Variants in TMEM143 observed in about 807,000 individuals in gnomAD.
TMEM143 encodes the protein transmembrane protein 143.
TMEM143 carries 45 observed loss-of-function variants against 40.3 expected under a neutral mutation model. The ratio of observed to expected loss-of-function variants is 1.12; its 90% confidence interval spans 0.88 to 1.43. TMEM143 has a LOEUF of 1.43. TMEM143 is among the 40% of genes most tolerant of loss of function. The pLI is 0.00. For missense variants in TMEM143, 620 were observed against 613.4 expected (o/e 1.01, Z -0.11); for synonymous variants, 299 against 282.7 (o/e 1.06, Z -0.58).
At chr19:48,360,498 A>C in intron 2 of TMEM143, 8 of 288,478 alleles carry the variant, frequency 2.8e-5, no homozygotes, top group Non-Finnish European at 4.6e-5. Flanking sequence ...GAATTGCTTG[A>C]ACCAGGGAGG....
chr19:48,343,397 G>A lies in TMEM143; in HGVS notation c.619C>T (p.Arg207Ter), dbSNP rs148424700. 37 of 1,598,964 alleles carry A rather than the reference G, an allele frequency of 2.3e-5. No homozygotes were observed. The highest frequency in any genetic ancestry group is 4.0e-5 in the African/African-American group (3 of 74,590). ...GACTTCAGGGGCATCTGCCCGACTCGCTGGCCCAGGGCCCAGAAGTGAATG... is the reference window on the plus strand; with the variant it reads ...GACTTCAGGGGCATCTGCCCGACTCACTGGCCCAGGGCCCAGAAGTGAATG... ...VYIHFWALGQ[R>*]VGQMPLKSSV... Residue 207 changes from arginine (R) to a stop codon, truncating the protein, a stop_gained, in exon 5 of 8, where the codon CGA (arginine) becomes TGA (stop). Coordinates refer to ENST00000293261, the MANE Select transcript of TMEM143 (RefSeq NM_018273.4). LOFTEE classifies it high-confidence loss of function.
chr19:48,337,478 C>G (rs1474216268), intron 6 of TMEM143, among the ~76,000 whole-genome samples: 1 of 151,758 alleles, frequency 6.6e-6, no homozygotes. Context: ...ACCCAGGAGG[C>G]AGAGGTTGCA....
intron 3 of TMEM143, 100 bp from the exon 4 acceptor site, chr19:48,345,454 A>AC: frequency 1.5e-6 from 1 of 665,220 alleles, no homozygotes; most frequent in Non-Finnish European, 2.1e-6. Flanking sequence ...TCATTTATTT[A>AC]TTTATTTATT....
In TMEM143 at chr19:48,355,475, G is replaced by A. The variant is rs531173090; in HGVS notation, c.369+4597C>T. On this transcript the variant is annotated intron_variant, in intron 3 of 7. Coordinates refer to ENST00000293261, the MANE Select transcript of TMEM143 (RefSeq NM_018273.4). The stretch of plus-strand genomic sequence containing the variant: ...AACTGTGTGATCCTGGGCACAACCC[G>A]GGCCCTCTGAGACATTCAGTTTCTC... 7.9e-5 allele frequency among the ~76,000 whole-genome samples: 12 copies of A among 152,236 alleles called. No individual in the cohort carries two copies. The South Asian group carries it at 8.3e-4, about 11-fold the overall frequency.
chr19:48,348,132 T>C (rs1414236368), intron 3 of TMEM143, among the ~76,000 whole-genome samples: 1 of 152,096 alleles, frequency 6.6e-6, no homozygotes, highest in Non-Finnish European at 1.5e-5. Flanking sequence ...GGTCGAGCAG[T>C]TCTGGGACTT....
intron 6 of TMEM143, among the ~76,000 whole-genome samples, chr19:48,337,022 CA>C (rs1000750493): frequency 1.6e-3 from 187 of 117,552 alleles, no homozygotes; most frequent in Middle Eastern, 9.0e-3. Context: ...CTCAGTCTCA[CA>C]AAAAAAAAAA....
In TMEM143 at chr19:48,333,501, G is replaced by A. The variant is rs998580574; in HGVS notation, c.1166-68C>T. 2.7e-6 allele frequency: 3 copies of A among 1,122,278 alleles called. No individual in the cohort carries two copies. The highest frequency in any genetic ancestry group is 3.1e-5 in the African/African-American group (2 of 65,026). The allele number at this position is 1,122,278 out of a possible 1,614,324, so 69.5% of individuals were successfully genotyped here. A position where few individuals can be genotyped will look rare whatever the true frequency, so the allele number is the denominator to read the frequency against. On this transcript the variant is annotated intron_variant, in intron 7 of 7. Coordinates refer to ENST00000293261, the MANE Select transcript of TMEM143 (RefSeq NM_018273.4). This position sits in a 1 kb window ranked among gnomAD's most constrained non-coding sequence, Gnocchi z 4.1. ...GGGGAAGATTCGAGGGAGCAGCAAG[G>A]AGGGGCGTAGGGCAAAGAACAGGAA...
chr19:48,345,250 C>A lies in TMEM143; in HGVS notation c.474G>T (p.Glu158Asp), dbSNP rs1249873202. ...SNEQEVLRAL[E>D]PLLAQANFSP... ...AGAAGTTGGCCTGGGCCAGCAGGGG[C>A]TCCAGAGCCCGAAGCACCTCCTGCT... Residue 158 changes from glutamate (E) to aspartate (D), a missense_variant, in exon 4 of 8, where the codon GAG becomes GAT. Glu to Asp is a conservative substitution (Grantham distance 45). Transcript: ENST00000293261. 1.2e-6 allele frequency: 2 copies of A among 1,613,134 alleles called. No homozygotes were observed. Among genetic ancestry groups the A allele is most frequent in the Admixed American group, 3.3e-5 (2 of 59,892 alleles).
intron 2 of TMEM143, among the ~76,000 whole-genome samples, chr19:48,361,003 G>A (rs970884208): frequency 1.3e-5 from 2 of 151,364 alleles, no homozygotes; most frequent in Non-Finnish European, 2.9e-5. Flanking sequence ...TGCCCAGGCT[G>A]GTCTGAACTC....
intron 6 of TMEM143, among the ~76,000 whole-genome samples, chr19:48,342,054 C>T (rs908288565): frequency 1.2e-5 from 1 of 86,078 alleles, no homozygotes; most frequent in Non-Finnish European, 2.3e-5. Flanking sequence ...GGGAGGGGAG[C>T]GGAGGAGAGG....
chr19:48,363,623 A>T, intron 1 of TMEM143, 92 bp from the exon 2 acceptor site: 1 of 1,497,132 alleles, frequency 6.7e-7, no homozygotes, highest in Non-Finnish European at 8.9e-7. Flanking sequence ...AGCCGTCTCT[A>T]CCCCAGGCAG....
chr19:48,359,956 A>T lies in TMEM143; in HGVS notation c.369+116T>A, dbSNP rs372170637. The T allele has an allele frequency of 4.8e-5, 47 of 987,564 alleles. No individual in the cohort carries two copies. In the African/African-American group the frequency reaches 5.9e-4, roughly 12 times the overall value. The allele number at this position is 987,564 out of a possible 1,614,324, so 61.2% of individuals were successfully genotyped here. A position where few individuals can be genotyped will look rare whatever the true frequency, so the allele number is the denominator to read the frequency against. On this transcript the variant is annotated intron_variant, in intron 3 of 7. Coordinates refer to ENST00000293261, the MANE Select transcript of TMEM143 (RefSeq NM_018273.4). Reference sequence around the variant, plus strand: ...CGTCACTTCACCTGTCATGTTCACTATTGAATCCCCAGCACTTAAAATAAG... The same window carrying T: ...CGTCACTTCACCTGTCATGTTCACTTTTGAATCCCCAGCACTTAAAATAAG...
chr19:48,360,439 G>C (rs1036925058), intron 2 of TMEM143: 3 of 370,168 alleles, frequency 8.1e-6, no homozygotes, highest in Admixed American at 4.1e-5. Flanking sequence ...TTAGCCGGGC[G>C]TGATGGCATG....
At chr19:48,348,486 C>T (rs1969696077) in intron 3 of TMEM143, among the ~76,000 whole-genome samples, 3 of 152,194 alleles carry the variant, frequency 2.0e-5, no homozygotes, top group African/African-American at 7.2e-5. Context: ...CTGTAACACA[C>T]ACCATCCCCT....
chr19:48,357,721 A>G (rs568037779), intron 3 of TMEM143, among the ~76,000 whole-genome samples: 47 of 152,230 alleles, frequency 3.1e-4, no homozygotes, highest in African/African-American at 1.1e-3. Context: ...TATGGTCTAT[A>G]TACACCATGG....
rs1969281147 is a variant in TMEM143 at position 48,334,023 on chromosome 19, G to C, written c.1150C>G (p.Gln384Glu). ...CACGTCCTACCTTCGGGCGAGCCTT[G>C]AGTGCCCCCTGGCCGCCGGGCCAGG... ...SFLARRPGGT[Q>E]GSPEETSRWL... is the part of the protein sequence containing the mutation. The change falls in exon 7 of 8, where the codon CAA (glutamine) becomes GAA (glutamate). Residue 384 changes from glutamine to glutamate, a missense_variant. Gln to Glu is a conservative substitution (Grantham distance 29). Coordinates refer to ENST00000293261, the MANE Select transcript of TMEM143 (RefSeq NM_018273.4). 8 of 1,556,642 alleles carry C rather than the reference G, an allele frequency of 5.1e-6. No homozygotes were observed. Among genetic ancestry groups the C allele is most frequent in the Non-Finnish European group, 6.9e-6 (8 of 1,153,900 alleles).
intron 5 of TMEM143, 179 bp from the exon 6 acceptor site, chr19:48,342,988 C>T (rs913474923): frequency 2.6e-6 from 2 of 778,714 alleles, no homozygotes; most frequent in South Asian, 1.9e-5. Context: ...TCGGTTCAAT[C>T]GCGCCATCGA....
At chr19:48,361,300 G>A (rs441114) in intron 2 of TMEM143, among the ~76,000 whole-genome samples, 117,209 of 150,944 alleles carry the variant, frequency 0.78, 45,505 homozygotes, top group Admixed American at 0.85. Context: ...AGCTCACTGC[G>A]ACCTCTTCCT....
chr19:48,344,195 T>C (rs1195954318), intron 4 of TMEM143, among the ~76,000 whole-genome samples: 1 of 152,070 alleles, frequency 6.6e-6, no homozygotes, highest in East Asian at 1.9e-4. Context: ...CTGATTTTAG[T>C]ATTTCTTATA....
Sources: gnomAD v4.1 joint callset for allele counts (sites outside exome capture counted in the v4.1 genomes callset) on GRCh38, gnomAD v4.1.1 for gene constraint, Gnocchi (gnomAD v3.1) non-coding constraint, MANE v1.5 for transcripts, NCBI Gene and HGNC (gene_info 2026-07-23, HGNC 2026-07-21) for gene names.